Variants in GALNT13 observed in about 807,000 individuals in gnomAD.
GALNT13 encodes the protein polypeptide N-acetylgalactosaminyltransferase 13.
In GALNT13, 28 loss-of-function variants were observed where a neutral mutation model predicts 64.2. That is an observed-to-expected ratio of 0.44 (90% CI 0.32 to 0.60). The LOEUF is 0.60. Ranked by LOEUF, GALNT13 falls within the 20% of genes least tolerant of loss-of-function variation. GALNT13 has a pLI of 0.05. For missense variants in GALNT13, 577 were observed against 669.8 expected, an observed-to-expected ratio of 0.86 and a Z score of 1.53; for synonymous variants, 214 against 224.6, an observed-to-expected ratio of 0.95 and a Z score of 0.42.
intron 4 of GALNT13, among the ~76,000 whole-genome samples, chr2:154,154,528 G>C (rs1684285106): frequency 6.6e-6 from 1 of 152,122 alleles, no homozygotes; most frequent in Admixed American, 6.5e-5. Context: ...TATATAAAAG[G>C]TATTATAGAT....
At chr2:153,658,720 A>G in the GALNT13 span, among the ~76,000 whole-genome samples, 1 of 152,090 alleles carries the variant, frequency 6.6e-6, no homozygotes, top group East Asian at 1.9e-4. Flanking sequence ...CATATGTTGT[A>G]TAAAATGGAA....
At chr2:153,568,318 C>T in the GALNT13 span, among the ~76,000 whole-genome samples, 576 of 152,206 alleles carry the variant, frequency 3.8e-3, 1 homozygote, top group African/African-American at 0.013. Flanking sequence ...GCTGGACTCA[C>T]GTGATTCTCT....
At chr2:154,110,314 TATATATATATATATATATATATAG>T (rs1558962995) in intron 3 of GALNT13, among the ~76,000 whole-genome samples, 8 of 44,996 alleles carry the variant, frequency 1.8e-4, no homozygotes, top group East Asian at 1.0e-3. Flanking sequence ...TATATATATA[TATATATATATATATATATATATAG>T]AGAGAGAGAG....
At chr2:153,314,862 C>T in the GALNT13 span, among the ~76,000 whole-genome samples, 125,938 of 151,570 alleles carry the variant, frequency 0.83, 53,318 homozygotes, top group African/African-American at 0.9. Context: ...CTTAAGAAAC[C>T]TGAAAAAAAG....
the GALNT13 span, among the ~76,000 whole-genome samples, chr2:153,254,727 C>T: frequency 2.6e-4 from 40 of 151,992 alleles, no homozygotes; most frequent in African/African-American, 8.7e-4. Flanking sequence ...TCGTTATGTA[C>T]CCAGTAATCA....
At chr2:154,070,184 G>T (rs1260687537) in intron 3 of GALNT13, among the ~76,000 whole-genome samples, 1 of 152,164 alleles carries the variant, frequency 6.6e-6, no homozygotes, top group Admixed American at 6.5e-5. Context: ...CTCATTTATT[G>T]AGCCTATCAC....
chr2:153,071,466 G>T, the GALNT13 span, among the ~76,000 whole-genome samples: 1 of 152,158 alleles, frequency 6.6e-6, no homozygotes, highest in Non-Finnish European at 1.5e-5. Flanking sequence ...GGCAAGCATT[G>T]CACACACAAA....
chr2:153,732,497 A>G, the GALNT13 span, among the ~76,000 whole-genome samples: 1 of 152,038 alleles, frequency 6.6e-6, no homozygotes, highest in Admixed American at 6.6e-5. Flanking sequence ...TGGAGAGACC[A>G]GATAGTTTTT....
At chr2:153,778,750 T>C in the GALNT13 span, among the ~76,000 whole-genome samples, 1 of 152,228 alleles carries the variant, frequency 6.6e-6, no homozygotes, top group Non-Finnish European at 1.5e-5. Flanking sequence ...AAAAAATTTG[T>C]ATAAATTTAA....
At chr2:154,155,972 A>G (rs1201296018) in intron 4 of GALNT13, among the ~76,000 whole-genome samples, 1 of 151,980 alleles carries the variant, frequency 6.6e-6, no homozygotes, top group African/African-American at 2.4e-5. Flanking sequence ...TAATACATAT[A>G]TATTCGACGT....
chr2:153,441,287 A>G, the GALNT13 span, among the ~76,000 whole-genome samples: 3 of 152,228 alleles, frequency 2.0e-5, no homozygotes, highest in East Asian at 3.9e-4. Flanking sequence ...TGAGACCTCT[A>G]TTATGTTCCA....
chr2:153,790,796 A>G, the GALNT13 span, among the ~76,000 whole-genome samples: 1 of 152,200 alleles, frequency 6.6e-6, no homozygotes, highest in Admixed American at 6.5e-5. Context: ...TGGCATTCCT[A>G]TACACCCACA....
chr2:153,354,388 A>G, the GALNT13 span: 2 of 152,216 alleles, frequency 1.3e-5, no homozygotes, highest in Non-Finnish European at 2.9e-5. Context: ...AAACTGATTT[A>G]TTGTTATGCC....
intron 3 of GALNT13, among the ~76,000 whole-genome samples, chr2:154,106,734 G>T (rs960910488): frequency 2.6e-5 from 4 of 151,736 alleles, no homozygotes; most frequent in African/African-American, 9.7e-5. Context: ...ATTTCCAGAT[G>T]TTTTACTGTA....
At chr2:153,425,964 C>T in the GALNT13 span, among the ~76,000 whole-genome samples, 1 of 151,766 alleles carries the variant, frequency 6.6e-6, no homozygotes, top group Admixed American at 6.6e-5. Context: ...ATCCAAAAAA[C>T]ATAAAAAACT....
chr2:153,993,689 C>G (rs1256357886), intron 3 of GALNT13, among the ~76,000 whole-genome samples: 3 of 91,392 alleles, frequency 3.3e-5, no homozygotes, highest in Non-Finnish European at 4.4e-5. Flanking sequence ...GAGCAAGACT[C>G]CATCTCAAAA....
At chr2:153,973,584 T>C (rs563503404) in intron 3 of GALNT13, among the ~76,000 whole-genome samples, 14 of 152,130 alleles carry the variant, frequency 9.2e-5, no homozygotes, top group Admixed American at 2.0e-4. Context: ...GCTATTTATG[T>C]GCTTTTCTTT....
intron 3 of GALNT13, among the ~76,000 whole-genome samples, chr2:153,992,745 TA>T (rs898428438): frequency 6.6e-6 from 1 of 151,942 alleles, no homozygotes; most frequent in East Asian, 1.9e-4. Flanking sequence ...TGATACTTTT[TA>T]AAAAAAAATT....
intron 9 of GALNT13, among the ~76,000 whole-genome samples, chr2:154,323,932 G>A (rs1694750096): frequency 6.6e-6 from 1 of 151,932 alleles, no homozygotes; most frequent in African/African-American, 2.4e-5. Context: ...TTATCTCCCA[G>A]GTGCCAATTA....
Sources: allele counts gnomAD v4.1 joint callset (sites outside exome capture counted in the v4.1 genomes callset), GRCh38; gene constraint gnomAD v4.1.1; transcripts MANE v1.5; gene names NCBI Gene and HGNC (gene_info 2026-07-23, HGNC 2026-07-21).